Variants in FLT4 observed in about 807,000 individuals in gnomAD.
The protein encoded by FLT4 is fms related receptor tyrosine kinase 4, also known as vascular endothelial growth factor receptor 3.
FLT4 carries 30 observed loss-of-function variants against 163.2 expected under a neutral mutation model. The observed-to-expected ratio is 0.18, with a 90% confidence interval of 0.14 to 0.25. The LOEUF is 0.25. FLT4 is among the 10% of genes least tolerant of loss of function. FLT4 has a pLI of 1.00. For missense variants in FLT4, 1,510 were observed against 1,863.8 expected, an observed-to-expected ratio of 0.81 and a Z score of 3.50; for synonymous variants, 884 against 789.5, an observed-to-expected ratio of 1.12 and a Z score of -2.01.
At chr5:180,608,209 A>T (rs1024717473) in intron 29 of FLT4, 15 of 700,720 alleles carry the variant, frequency 2.1e-5, no homozygotes, top group African/African-American at 1.4e-4. Flanking sequence ...AAAGTCTTAA[A>T]GTCTTTGATC....
intron 19 of FLT4, 61 bp from the exon 20 acceptor site, chr5:180,619,170 C>A: frequency 7.6e-7 from 1 of 1,311,018 alleles, no homozygotes; most frequent in Non-Finnish European, 9.8e-7. Flanking sequence ...CGGGCGCGCT[C>A]CGCGTTTGCA....
At chr5:180,609,808 G>T in intron 28 of FLT4, 97 bp downstream of exon 28, 2 of 1,465,436 alleles carry the variant, frequency 1.4e-6, no homozygotes, top group East Asian at 2.3e-5. Flanking sequence ...CAGTCGTTGG[G>T]TTCTGCCATT....
chr5:180,603,204 G>A lies in FLT4; in HGVS notation c.4080C>T (p.Asp1360=). The change falls in exon 30 of 30, where the codon GAC becomes GAT. Residue 1360 remains aspartate, a synonymous_variant. Transcript: ENST00000261937. ...TGTCCGATGCTGCTTAGTAGCTGTT[G>A]TCTGTGAAGAAAGTCACGCGGGCAG... ...SPSARVTFFT[D]NSY 1 of 1,613,990 alleles carries A rather than the reference G, an allele frequency of 6.2e-7. No individual in the cohort carries two copies. Among genetic ancestry groups the A allele is most frequent in the Non-Finnish European group, 8.5e-7 (1 of 1,180,030 alleles).
chr5:180,649,339 G>GC lies in FLT4; in HGVS notation c.58+148dup. On this transcript the variant is annotated intron_variant, in intron 1 of 29. Coordinates refer to ENST00000261937, the MANE Select transcript of FLT4 (RefSeq NM_182925.5). Reference sequence around the variant, plus strand: ...CATCCCGAGGTCCCGCGCCCCAAGCGCCGTGCTCCCCTCAGGCGTCCGCGC... The same window carrying GC: ...CATCCCGAGGTCCCGCGCCCCAAGCGCCCGTGCTCCCCTCAGGCGTCCGCGC... 3 of 463,734 alleles carry GC rather than the reference G, an allele frequency of 6.5e-6. No homozygotes were observed. In the South Asian group the frequency reaches 1.4e-4, roughly 22 times the overall value. The allele number at this position is 463,734 out of a possible 1,614,324, so 28.7% of individuals were successfully genotyped here.
intron 28 of FLT4, 101 bp downstream of exon 28, chr5:180,609,804 T>C: frequency 2.1e-6 from 3 of 1,439,082 alleles, no homozygotes; most frequent in Non-Finnish European, 2.9e-6. Context: ...AGGACAGTCG[T>C]TGGGTTCTGC....
chr5:180,644,628 A>C (rs1424518511), intron 1 of FLT4, among the ~76,000 whole-genome samples: 1 of 152,228 alleles, frequency 6.6e-6, no homozygotes, highest in African/African-American at 2.4e-5. Context: ...TAATCTCCAA[A>C]ATAAGCATAA....
intron 12 of FLT4, 29 bp downstream of exon 12, chr5:180,622,702 G>A: frequency 1.4e-6 from 2 of 1,436,452 alleles, no homozygotes; most frequent in Non-Finnish European, 9.8e-7. Flanking sequence ...CCTGTACCCA[G>A]GCCTCCCCGC....
chr5:180,641,128 G>A (rs991702583), intron 1 of FLT4, among the ~76,000 whole-genome samples: 2 of 152,212 alleles, frequency 1.3e-5, no homozygotes, highest in African/African-American at 4.8e-5. Flanking sequence ...TCCCTGCCCG[G>A]TTGGGCTGTG....
intron 29 of FLT4, 120 bp downstream of exon 29, chr5:180,608,848 G>A (rs1761956330): frequency 2.3e-6 from 2 of 870,848 alleles, no homozygotes; most frequent in Non-Finnish European, 2.0e-6. Flanking sequence ...GCGCGAAAAG[G>A]CCATAGGGAG....
Position 180,621,233 on chromosome 5 carries a change from G to C in FLT4, c.2040C>G (p.Leu680=). 1 of 1,612,312 alleles carries C rather than the reference G, an allele frequency of 6.2e-7. No homozygotes were observed. Among genetic ancestry groups the C allele is most frequent in the Non-Finnish European group, 8.5e-7 (1 of 1,179,568 alleles). The change falls in exon 14 of 30, where the codon CTC becomes CTG. Residue 680 remains leucine (L), a synonymous_variant. Transcript: ENST00000261937. ...CCAGGAGGTCGGTCAAGTTCTGCGT[G>C]AGCCGAGGGGCTTCCAGGGCTGGGG... ...LSVQALEAPR[L]TQNLTDLLVN...
At chr5:180,604,154 C>G (rs1172992135) in intron 29 of FLT4, among the ~76,000 whole-genome samples, 1 of 152,164 alleles carries the variant, frequency 6.6e-6, no homozygotes, top group Non-Finnish European at 1.5e-5. Flanking sequence ...CGATCTGATC[C>G]AGCACTCACT....
At chr5:180,617,985 T>C (rs421358) in intron 21 of FLT4, among the ~76,000 whole-genome samples, 3,788 of 5,458 alleles carry the variant, frequency 0.69, 1,743 homozygotes, top group Non-Finnish European at 0.9. Context: ...TATTCCAGAG[T>C]ACCCTCTCCT....
At chr5:180,632,901 G>A (rs1276202426) in intron 1 of FLT4, among the ~76,000 whole-genome samples, 1 of 152,098 alleles carries the variant, frequency 6.6e-6, no homozygotes, top group Admixed American at 6.5e-5. Flanking sequence ...ACAACAGGAA[G>A]GGAGGGCTGC....
chr5:180,648,318 G>A (rs1345337145), intron 1 of FLT4, among the ~76,000 whole-genome samples: 1 of 152,174 alleles, frequency 6.6e-6, no homozygotes, highest in Non-Finnish European at 1.5e-5. Context: ...TCAGCCAGTG[G>A]ACATACAGGT....
chr5:180,618,714 C>G (rs1339510539), intron 21 of FLT4, 56 bp downstream of exon 21: 1 of 1,347,210 alleles, frequency 7.4e-7, no homozygotes. Flanking sequence ...TGCCTGATCA[C>G]GGGATATAAC....
Position 180,605,305 on chromosome 5 carries a change from C to T in FLT4, c.3894-1915G>A, listed in dbSNP as rs759960921. ...CGATTTCTTTCCTGAATTTAGTCTGCTGTCAGTTGTATCATCACATTGTCC... is the reference window on the plus strand; with the variant it reads ...CGATTTCTTTCCTGAATTTAGTCTGTTGTCAGTTGTATCATCACATTGTCC... On this transcript the variant is annotated intron_variant, in intron 29 of 29. Transcript: ENST00000261937. Among the ~76,000 whole-genome samples the T allele has an allele frequency of 1.3e-4, 20 of 152,190 alleles. 1 individual carries two copies. Among genetic ancestry groups the T allele is most frequent in the Non-Finnish European group, 1.5e-5 (1 of 68,046 alleles).
intron 1 of FLT4, among the ~76,000 whole-genome samples, chr5:180,644,330 G>A (rs1332682451): frequency 1.3e-5 from 2 of 152,228 alleles, no homozygotes; most frequent in Non-Finnish European, 1.5e-5. Context: ...GGAGGGGCAC[G>A]CCGGGCGTGT....
At chr5:180,622,697 A>T (rs1329604102) in intron 12 of FLT4, 34 bp downstream of exon 12, 1 of 1,369,884 alleles carries the variant, frequency 7.3e-7, no homozygotes, top group South Asian at 1.2e-5. Flanking sequence ...CTGACCCTGT[A>T]CCCAGGCCTC....
chr5:180,603,168 G>A lies in FLT4; in HGVS notation c.*24C>T, dbSNP rs1329551996. ...CCCTGCCGGGCCTGAACCCCCAAGTGCTGGGGGTCTTGTCCGATGCTGCTT... is the reference window on the plus strand; with the variant it reads ...CCCTGCCGGGCCTGAACCCCCAAGTACTGGGGGTCTTGTCCGATGCTGCTT... On this transcript the variant is annotated 3_prime_UTR_variant, in exon 30 of 30. Coordinates refer to ENST00000261937, the MANE Select transcript of FLT4 (RefSeq NM_182925.5). 4.3e-6 allele frequency: 7 copies of A among 1,610,818 alleles called. No homozygotes were observed. The highest frequency in any genetic ancestry group is 2.7e-5 in the African/African-American group (2 of 74,918).
Sources: allele counts gnomAD v4.1 joint callset (sites outside exome capture counted in the v4.1 genomes callset), GRCh38; gene constraint gnomAD v4.1.1; transcripts MANE v1.5; gene names NCBI Gene and HGNC (gene_info 2026-07-23, HGNC 2026-07-21).